GABBR2: variants seen among roughly 807,000 people sequenced by gnomAD.
GABBR2 encodes the protein G-protein coupled receptor 51.
In GABBR2, 23 loss-of-function variants were observed where a neutral mutation model predicts 105.6. The observed-to-expected ratio is 0.22, with a 90% CI of 0.16 to 0.31. The LOEUF (loss-of-function observed/expected upper bound fraction) is 0.31. GABBR2 is among the 10% of genes least tolerant of loss of function. GABBR2 has a pLI of 1.00. For missense variants in GABBR2, 734 were observed against 1,245.5 expected, an observed-to-expected ratio of 0.59 and a Z score of 6.18; for synonymous variants, 478 against 499.7, an observed-to-expected ratio of 0.96 and a Z score of 0.58.
intron 3 of GABBR2, among the ~76,000 whole-genome samples, chr9:98,522,685 A>G (rs1827890506): frequency 6.6e-6 from 1 of 152,254 alleles, no homozygotes; most frequent in Non-Finnish European, 1.5e-5. Context: ...CTGAAAAACA[A>G]AAGATGTACT....
intron 7 of GABBR2, among the ~76,000 whole-genome samples, chr9:98,424,098 C>T (rs534598580): frequency 2.0e-5 from 3 of 152,084 alleles, no homozygotes; most frequent in Admixed American, 6.5e-5. Context: ...ACTGGCAAAC[C>T]GAATCCAGCA....
intron 13 of GABBR2, among the ~76,000 whole-genome samples, chr9:98,332,620 C>T (rs1305605563): frequency 6.6e-6 from 1 of 152,210 alleles, no homozygotes; most frequent in African/African-American, 2.4e-5. Context: ...AGTGCAGGGG[C>T]CTGGGCTGGT....
At chr9:98,458,849 A>T (rs1237867485) in intron 6 of GABBR2, among the ~76,000 whole-genome samples, 1 of 152,252 alleles carries the variant, frequency 6.6e-6, no homozygotes, top group Non-Finnish European at 1.5e-5. Context: ...CCACTGATGA[A>T]GTCCCTCCTG....
At chr9:98,325,646 A>G (rs1479594478) in intron 13 of GABBR2, among the ~76,000 whole-genome samples, 1 of 152,118 alleles carries the variant, frequency 6.6e-6, no homozygotes, top group Non-Finnish European at 1.5e-5. Flanking sequence ...AGCCAACTAT[A>G]GGTTTCCAAG....
chr9:98,542,319 C>G (rs1219553618), intron 2 of GABBR2, among the ~76,000 whole-genome samples: 1 of 152,134 alleles, frequency 6.6e-6, no homozygotes, highest in Non-Finnish European at 1.5e-5. Flanking sequence ...CTTCCCAGTC[C>G]TTTTTCTATG....
intron 1 of GABBR2, among the ~76,000 whole-genome samples, chr9:98,659,757 G>C (rs1486357226): frequency 1.3e-5 from 2 of 151,874 alleles, no homozygotes; most frequent in African/African-American, 4.8e-5. Flanking sequence ...CTGACCTCAA[G>C]TGATCCGCCC....
intron 6 of GABBR2, among the ~76,000 whole-genome samples, chr9:98,455,331 CT>C: frequency 6.6e-6 from 1 of 152,268 alleles, no homozygotes; most frequent in South Asian, 2.1e-4. Flanking sequence ...CTTCATGGGT[CT>C]TTTTTCAAAT....
At chr9:98,360,791 T>G (rs1831568862) in intron 13 of GABBR2, among the ~76,000 whole-genome samples, 2 of 151,998 alleles carry the variant, frequency 1.3e-5, no homozygotes, top group African/African-American at 4.8e-5. Flanking sequence ...ACTTCCAGAG[T>G]CTGTTGACTC....
chr9:98,692,791 A>G (rs750748451), intron 1 of GABBR2, among the ~76,000 whole-genome samples: 46 of 152,246 alleles, frequency 3.0e-4, no homozygotes, highest in Non-Finnish European at 5.4e-4. Context: ...AATACCAACA[A>G]CTAAACAATG....
rs560387913 is a variant in GABBR2 at position 98,540,107 on chromosome 9, G to T, written c.630+1766C>A. Among the ~76,000 whole-genome samples the T allele has an allele frequency of 3.9e-5, 6 of 152,176 alleles. No individual in the cohort carries two copies. In the South Asian group the frequency reaches 1.0e-3, roughly 26 times the overall value. The stretch of plus-strand genomic sequence containing the variant: ...GCCTTTCAGCAAAAGCCTCTTCAGC[G>T]TTTGGCAATGAGTCACTCCCGCTGG... On this transcript the variant is annotated intron_variant, in intron 3 of 18. Transcript: ENST00000259455.
chr9:98,525,940 A>G lies in GABBR2; in HGVS notation c.630+15933T>C, dbSNP rs141565850. On this transcript the variant is annotated intron_variant, in intron 3 of 18. Transcript: ENST00000259455. The stretch of plus-strand genomic sequence containing the variant: ...CCACATATTTTGTAATTCCATTTAT[A>G]TGAAATGTCATTATAGGCAAATCTA... 1.1e-4 allele frequency among the ~76,000 whole-genome samples: 17 copies of G among 152,368 alleles called. 1 individual carries two copies. In the East Asian group the frequency reaches 3.3e-3, roughly 29 times the overall value.
rs766941532 is a variant in GABBR2 at position 98,454,852 on chromosome 9, T to C, written c.1000-635A>G. ...CCCTTCTAGCATCAGTAGCTCCCTGTACCCTCAAAGGCACAGTCTACCCTC... is the reference window on the plus strand; with the variant it reads ...CCCTTCTAGCATCAGTAGCTCCCTGCACCCTCAAAGGCACAGTCTACCCTC... On this transcript the variant is annotated intron_variant, in intron 6 of 18. Transcript: ENST00000259455. The surrounding 1 kb of genome is among the most constrained non-coding windows in gnomAD (Gnocchi z 4.6). Among the ~76,000 whole-genome samples, 18 of 151,894 alleles carry C rather than the reference T, an allele frequency of 1.2e-4. No homozygotes were observed. The highest frequency in any genetic ancestry group is 2.5e-4 in the Non-Finnish European group (17 of 67,946).
chr9:98,466,479 T>C (rs977471019), intron 6 of GABBR2, among the ~76,000 whole-genome samples: 1 of 152,228 alleles, frequency 6.6e-6, no homozygotes, highest in African/African-American at 2.4e-5. Context: ...AATCCTTCCA[T>C]TGCTCCTCAT....
intron 1 of GABBR2, among the ~76,000 whole-genome samples, chr9:98,648,509 C>T (rs949106523): frequency 6.6e-6 from 1 of 152,084 alleles, no homozygotes; most frequent in Non-Finnish European, 1.5e-5. Context: ...TCAAATTTGC[C>T]GCTTTAAGGG....
At chr9:98,611,197 T>G (rs1237006402) in intron 1 of GABBR2, among the ~76,000 whole-genome samples, 1 of 152,112 alleles carries the variant, frequency 6.6e-6, no homozygotes, top group Non-Finnish European at 1.5e-5. Context: ...GGGATAAAGA[T>G]CAATGCCACC....
chr9:98,649,410 T>C (rs1472472787), intron 1 of GABBR2, among the ~76,000 whole-genome samples: 1 of 152,148 alleles, frequency 6.6e-6, no homozygotes. Flanking sequence ...AAAGAGTTAG[T>C]GAGTGACAGG....
At chr9:98,324,949 C>G (rs984871237) in intron 13 of GABBR2, among the ~76,000 whole-genome samples, 1 of 152,204 alleles carries the variant, frequency 6.6e-6, no homozygotes, top group Non-Finnish European at 1.5e-5. Context: ...TATACACACA[C>G]ACGCACACAC....
chr9:98,532,291 C>T lies in GABBR2; in HGVS notation c.630+9582G>A, dbSNP rs900565167. Among the ~76,000 whole-genome samples, 8 of 152,326 alleles carry T rather than the reference C, an allele frequency of 5.3e-5. No individual in the cohort carries two copies. In the East Asian group the frequency reaches 1.5e-3, roughly 29 times the overall value. ...CTTTTCCTGCTGGCTGACCCACAGG[C>T]CTGGCCCCTTGCAGAGCTCAAGGGA... On this transcript the variant is annotated intron_variant, in intron 3 of 18. Coordinates refer to ENST00000259455, the MANE Select transcript of GABBR2 (RefSeq NM_005458.8).
intron 8 of GABBR2, among the ~76,000 whole-genome samples, chr9:98,394,843 A>G (rs12352643): frequency 0.21 from 31,721 of 152,070 alleles, 5,129 homozygotes; most frequent in African/African-American, 0.45. Context: ...TTTGGTCAGC[A>G]GCAAGTAGAG....
Sources: gnomAD v4.1 joint callset for allele counts (sites outside exome capture counted in the v4.1 genomes callset) on GRCh38, gnomAD v4.1.1 for gene constraint, Gnocchi (gnomAD v3.1) non-coding constraint, MANE v1.5 for transcripts, NCBI Gene and HGNC (gene_info 2026-07-23, HGNC 2026-07-21) for gene names.